The following CCSER1 variants were observed in gnomAD, a reference collection of about 807,000 sequenced individuals.
CCSER1 encodes the protein coiled-coil serine rich protein 1.
In CCSER1, 41 loss-of-function variants were observed where a neutral mutation model predicts 82.0. That is an observed-to-expected ratio of 0.50 (90% confidence interval 0.39 to 0.65). The LOEUF (loss-of-function observed/expected upper bound fraction) is 0.65. Ranked by LOEUF, CCSER1 falls within the 30% of genes least tolerant of loss-of-function variation. CCSER1 has a pLI of 0.00. For missense variants in CCSER1, 1,119 were observed against 1,064.2 expected (o/e 1.05, Z -0.72); for synonymous variants, 414 against 383.9 (o/e 1.08, Z -0.92).
At position 91,280,890 on chromosome 4, in the gene CCSER1, GT is replaced by G. The variant is rs547317771; in HGVS notation, c.2217+194898del. Among the ~76,000 whole-genome samples, 335 of 152,284 alleles carry G rather than the reference GT, an allele frequency of 2.2e-3. 1 individual carries two copies. The highest frequency in any genetic ancestry group is 7.8e-3 in the African/African-American group (323 of 41,566). On this transcript the variant is annotated intron_variant, in intron 10 of 10. Coordinates refer to ENST00000509176, the MANE Select transcript of CCSER1 (RefSeq NM_001145065.2). Reference sequence around the variant, plus strand: ...CTGTTGCTTCCCAGGGAAGGATGCAGTTGGTGGGTCGTTAGGCTCTCAAAAT... The same window carrying G: ...CTGTTGCTTCCCAGGGAAGGATGCAGTGGTGGGTCGTTAGGCTCTCAAAAT...
intron 10 of CCSER1, among the ~76,000 whole-genome samples, chr4:91,177,808 T>TA (rs1295185889): frequency 1.3e-5 from 2 of 152,220 alleles, no homozygotes; most frequent in Non-Finnish European, 1.5e-5. Context: ...CTTGCATCTC[T>TA]ATCTCCTTCA....
chr4:90,803,066 A>T (rs918315873), intron 7 of CCSER1, among the ~76,000 whole-genome samples: 2 of 152,176 alleles, frequency 1.3e-5, no homozygotes, highest in African/African-American at 4.8e-5. Flanking sequence ...GTCTACAAAT[A>T]CAAAGAAAGT....
At chr4:90,649,007 A>T (rs765909656) in intron 6 of CCSER1, among the ~76,000 whole-genome samples, 45 of 152,226 alleles carry the variant, frequency 3.0e-4, no homozygotes, top group Non-Finnish European at 5.7e-4. Flanking sequence ...GCATGGCGAT[A>T]AGGCTTGACA....
intron 5 of CCSER1, among the ~76,000 whole-genome samples, chr4:90,480,442 A>C (rs1765764705): frequency 6.6e-6 from 1 of 152,242 alleles, no homozygotes; most frequent in South Asian, 2.1e-4. Flanking sequence ...TTAGACATGA[A>C]GTCCTTGCCC....
chr4:90,214,951 G>T (rs560053229), intron 1 of CCSER1, among the ~76,000 whole-genome samples: 2 of 151,956 alleles, frequency 1.3e-5, no homozygotes, highest in Non-Finnish European at 2.9e-5. Context: ...GTGTTTGATT[G>T]TACAGTTATG....
At chr4:91,251,029 A>G (rs1476020999) in intron 10 of CCSER1, among the ~76,000 whole-genome samples, 1 of 152,166 alleles carries the variant, frequency 6.6e-6, no homozygotes, top group Non-Finnish European at 1.5e-5. Flanking sequence ...TACTTTCCCA[A>G]CAAACCTCTG....
At chr4:90,268,605 A>G (rs1725676884) in intron 1 of CCSER1, among the ~76,000 whole-genome samples, 1 of 152,106 alleles carries the variant, frequency 6.6e-6, no homozygotes, top group Admixed American at 6.5e-5. Flanking sequence ...CAACTTCACT[A>G]AAAGGGAGAC....
intron 1 of CCSER1, among the ~76,000 whole-genome samples, chr4:90,190,541 A>G (rs558446553): frequency 2.0e-5 from 3 of 152,008 alleles, no homozygotes; most frequent in East Asian, 3.9e-4. Flanking sequence ...TTTTAACACC[A>G]CCGGGGCTTT....
intron 5 of CCSER1, among the ~76,000 whole-genome samples, chr4:90,486,308 A>G (rs1767047581): frequency 6.6e-6 from 1 of 152,082 alleles, no homozygotes; most frequent in South Asian, 2.1e-4. Context: ...CCATGACATT[A>G]TTGTCCTTAA....
intron 4 of CCSER1, among the ~76,000 whole-genome samples, chr4:90,419,955 A>G (rs1222318610): frequency 6.6e-6 from 1 of 151,840 alleles, no homozygotes; most frequent in Non-Finnish European, 1.5e-5. Context: ...TTTTCCCCAT[A>G]TTCTTTCCCC....
At chr4:90,287,850 C>T (rs550584526) in intron 1 of CCSER1, among the ~76,000 whole-genome samples, 1 of 151,580 alleles carries the variant, frequency 6.6e-6, no homozygotes, top group African/African-American at 2.4e-5. Flanking sequence ...TTTTCTATTC[C>T]ATCCTGACTT....
At chr4:90,157,953 C>A (rs1189182106) in intron 1 of CCSER1, among the ~76,000 whole-genome samples, 1 of 152,154 alleles carries the variant, frequency 6.6e-6, no homozygotes, top group African/African-American at 2.4e-5. Flanking sequence ...AGGCGCTCTG[C>A]TTTTTAGAGT....
Position 90,127,780 on chromosome 4 carries a change from T to G in CCSER1, c.-93T>G, listed in dbSNP as rs1722028457. ...AGGACACCCCCGTGCCCCGAAGACA[T>G]AAATCCCTGAGTGCCCGGGAGGAGC... On this transcript the variant is annotated 5_prime_UTR_variant, in exon 1 of 11. Coordinates refer to ENST00000509176, the MANE Select transcript of CCSER1 (RefSeq NM_001145065.2). The G allele has an allele frequency of 6.6e-6, 1 of 152,494 alleles. No individual in the cohort carries two copies. Among genetic ancestry groups the G allele is most frequent in the Non-Finnish European group, 1.5e-5 (1 of 68,370 alleles). The allele number at this position is 152,494 out of a possible 1,614,324, so 9.4% of individuals were successfully genotyped here.
At chr4:90,150,262 T>C (rs1726573626) in intron 1 of CCSER1, among the ~76,000 whole-genome samples, 1 of 152,156 alleles carries the variant, frequency 6.6e-6, no homozygotes, top group African/African-American at 2.4e-5. Flanking sequence ...TATTCAGTTT[T>C]CCAAATGAGT....
chr4:90,742,166 C>T (rs1224641586), intron 7 of CCSER1, among the ~76,000 whole-genome samples: 7 of 152,050 alleles, frequency 4.6e-5, no homozygotes, highest in East Asian at 1.9e-4. Context: ...AACTCTGTCA[C>T]GAGAACAGCA....
chr4:90,303,251 AT>A (rs1332266302), intron 1 of CCSER1, among the ~76,000 whole-genome samples: 2 of 152,188 alleles, frequency 1.3e-5, no homozygotes, highest in Non-Finnish European at 2.9e-5. Context: ...AGCAAGAGTG[AT>A]TTTAAAATTG....
intron 8 of CCSER1, among the ~76,000 whole-genome samples, chr4:90,875,912 C>T (rs189171921): frequency 7.9e-5 from 12 of 152,224 alleles, no homozygotes; most frequent in Admixed American, 2.0e-4. Flanking sequence ...CAGACTATTG[C>T]GATGGTGTTT....
intron 5 of CCSER1, among the ~76,000 whole-genome samples, chr4:90,482,020 A>C (rs1207932893): frequency 2.6e-5 from 4 of 152,120 alleles, no homozygotes; most frequent in Admixed American, 2.0e-4. Flanking sequence ...TTTGGTTGGT[A>C]AGCTATTAAT....
intron 5 of CCSER1, among the ~76,000 whole-genome samples, chr4:90,486,411 C>T (rs1373573478): frequency 2.0e-5 from 3 of 152,208 alleles, no homozygotes; most frequent in Middle Eastern, 3.4e-3. Flanking sequence ...CTACATTTAC[C>T]CCTTGAGTGC....
Sources: allele counts gnomAD v4.1 joint callset (sites outside exome capture counted in the v4.1 genomes callset), GRCh38; gene constraint gnomAD v4.1.1; transcripts MANE v1.5; gene names NCBI Gene and HGNC (gene_info 2026-07-23, HGNC 2026-07-21).